The following SGCZ variants were observed in gnomAD, a reference collection of about 807,000 sequenced individuals.
SGCZ encodes zeta-sarcoglycan.
In SGCZ, 40 loss-of-function variants were observed where a neutral mutation model predicts 41.3. The ratio of observed to expected loss-of-function variants is 0.97; its 90% CI spans 0.75 to 1.26. The LOEUF (loss-of-function observed/expected upper bound fraction) is 1.26. Among genes scored for constraint, SGCZ ranks in the 50% most tolerant of loss-of-function variants. The pLI is 0.00. For synonymous variants in SGCZ, 206 were observed against 137.5 expected (o/e 1.50, Z -3.49); for missense variants, 552 against 369.8 (o/e 1.49, Z -4.04).
At chr8:15,174,329 T>A (rs1799936509) in intron 1 of SGCZ, among the ~76,000 whole-genome samples, 1 of 152,220 alleles carries the variant, frequency 6.6e-6, no homozygotes, top group African/African-American at 2.4e-5. Flanking sequence ...TTGACTTCAG[T>A]GTTTGGGTTG....
intron 1 of SGCZ, among the ~76,000 whole-genome samples, chr8:14,662,116 T>G (rs1336103997): frequency 6.6e-6 from 1 of 150,594 alleles, no homozygotes; most frequent in East Asian, 2.0e-4. Context: ...ACTGAAGAAA[T>G]TCAAAATCCA....
At chr8:15,110,611 C>T (rs1807011306) in intron 1 of SGCZ, among the ~76,000 whole-genome samples, 1 of 152,204 alleles carries the variant, frequency 6.6e-6, no homozygotes, top group Non-Finnish European at 1.5e-5. Flanking sequence ...AAGTTTGCTG[C>T]CTCCTTCCTT....
In SGCZ at chr8:14,466,190, C is replaced by T. The variant is rs111481763; in HGVS notation, c.234+88542G>A. ...TCACCTTATTCAGCTTTTCTTTATC[C>T]GAGAATGTCTTAATTTCTCCTTGAC... On this transcript the variant is annotated intron_variant, in intron 2 of 7. Coordinates refer to ENST00000382080, the MANE Select transcript of SGCZ (RefSeq NM_139167.4). Among the ~76,000 whole-genome samples the T allele has an allele frequency of 6.6e-3, 998 of 151,944 alleles. 18 individuals are homozygous for T. The highest frequency in any genetic ancestry group is 0.021 in the African/African-American group (884 of 41,490).
chr8:15,128,325 A>G (rs1807779280), intron 1 of SGCZ, among the ~76,000 whole-genome samples: 1 of 152,148 alleles, frequency 6.6e-6, no homozygotes, highest in Non-Finnish European at 1.5e-5. Context: ...AAGCTTTGAG[A>G]TTTGGGGCCC....
At chr8:14,644,121 G>C (rs1262905458) in intron 1 of SGCZ, among the ~76,000 whole-genome samples, 1 of 151,660 alleles carries the variant, frequency 6.6e-6, no homozygotes, top group African/African-American at 2.4e-5. Flanking sequence ...TATTGTGATG[G>C]TTAATGTTAT....
chr8:15,197,551 T>C (rs191516236), intron 1 of SGCZ, among the ~76,000 whole-genome samples: 177 of 152,294 alleles, frequency 1.2e-3, no homozygotes, highest in Non-Finnish European at 7.3e-5. Context: ...AAGGAATTTA[T>C]TGGAAGAACA....
At chr8:14,254,097 A>G (rs1025752179) in intron 3 of SGCZ, among the ~76,000 whole-genome samples, 4 of 152,170 alleles carry the variant, frequency 2.6e-5, no homozygotes, top group African/African-American at 7.2e-5. Flanking sequence ...AAATCCATTA[A>G]CAGAACTGAA....
intron 1 of SGCZ, among the ~76,000 whole-genome samples, chr8:14,691,729 T>A (rs1476800959): frequency 6.6e-6 from 1 of 152,066 alleles, no homozygotes; most frequent in Non-Finnish European, 1.5e-5. Context: ...TTCTTCATAA[T>A]CATGTGTCCA....
chr8:15,220,655 A>G (rs1253727612), intron 1 of SGCZ, among the ~76,000 whole-genome samples: 2 of 152,152 alleles, frequency 1.3e-5, no homozygotes, highest in East Asian at 1.9e-4. Flanking sequence ...CCATGATGCC[A>G]TTACTGGATA....
chr8:15,036,502 A>G (rs988127981), intron 1 of SGCZ, among the ~76,000 whole-genome samples: 2 of 152,122 alleles, frequency 1.3e-5, no homozygotes, highest in Non-Finnish European at 2.9e-5. Context: ...ACAAACCCCC[A>G]TGATACATGT....
intron 1 of SGCZ, among the ~76,000 whole-genome samples, chr8:14,558,541 C>T (rs1804102271): frequency 1.4e-5 from 2 of 140,802 alleles, no homozygotes; most frequent in African/African-American, 5.3e-5. Context: ...TGCCACTGCA[C>T]TTCAGCCTGG....
At chr8:14,185,630 T>C (rs186747326) in intron 4 of SGCZ, among the ~76,000 whole-genome samples, 169 of 152,314 alleles carry the variant, frequency 1.1e-3, no homozygotes, top group African/African-American at 3.7e-3. Context: ...TCATATTCTC[T>C]TGACTTTTCT....
intron 6 of SGCZ, among the ~76,000 whole-genome samples, chr8:14,107,253 A>T (rs952567112): frequency 2.7e-5 from 4 of 150,714 alleles, no homozygotes; most frequent in African/African-American, 9.8e-5. Flanking sequence ...AAAAAAAAAC[A>T]TCCACTGAGC....
At chr8:14,759,247 AC>A (rs1421191563) in intron 1 of SGCZ, among the ~76,000 whole-genome samples, 22 of 152,136 alleles carry the variant, frequency 1.4e-4, no homozygotes, top group Non-Finnish European at 2.4e-4. Context: ...AAGATTTCAT[AC>A]CAGAGAAACT....
intron 1 of SGCZ, among the ~76,000 whole-genome samples, chr8:14,784,987 A>G (rs1035714084): frequency 6.4e-5 from 9 of 141,258 alleles, no homozygotes; most frequent in Admixed American, 3.7e-4. Flanking sequence ...TTTTTTATAT[A>G]TTATATATAT....
intron 2 of SGCZ, among the ~76,000 whole-genome samples, chr8:14,447,605 T>A (rs944028163): frequency 9.2e-5 from 14 of 152,154 alleles, no homozygotes; most frequent in African/African-American, 3.4e-4. Flanking sequence ...TGCTTTAAAC[T>A]CCCCATAACC....
intron 1 of SGCZ, among the ~76,000 whole-genome samples, chr8:14,695,259 G>A (rs1015319379): frequency 2.6e-5 from 4 of 152,016 alleles, no homozygotes; most frequent in Admixed American, 6.6e-5. Flanking sequence ...CTTATGAAAA[G>A]CTCTTTTTTC....
intron 1 of SGCZ, among the ~76,000 whole-genome samples, chr8:14,803,386 C>T (rs566976244): frequency 3.9e-5 from 6 of 152,062 alleles, no homozygotes; most frequent in Non-Finnish European, 5.9e-5. Flanking sequence ...ATGCGCAAGC[C>T]GAAGCAGGGT....
At chr8:14,374,764 G>T (rs990207162) in intron 2 of SGCZ, among the ~76,000 whole-genome samples, 1 of 152,100 alleles carries the variant, frequency 6.6e-6, no homozygotes, top group Non-Finnish European at 1.5e-5. Context: ...GAAGGATAAG[G>T]CAATTGAGGG....
Sources: allele counts gnomAD v4.1 joint callset (sites outside exome capture counted in the v4.1 genomes callset), GRCh38; gene constraint gnomAD v4.1.1; transcripts MANE v1.5; gene names NCBI Gene and HGNC (gene_info 2026-07-23, HGNC 2026-07-21).